PI4K2A: variants seen among roughly 807,000 people sequenced by gnomAD.
The protein encoded by PI4K2A is phosphatidylinositol 4-kinase type 2-alpha.
PI4K2A carries 20 observed loss-of-function variants against 55.0 expected under a neutral mutation model. That is an observed-to-expected ratio of 0.36 (90% CI 0.26 to 0.53). The LOEUF is 0.53. Ranked by LOEUF, PI4K2A falls within the 20% of genes least tolerant of loss-of-function variation. The pLI, the probability that PI4K2A is intolerant of heterozygous loss-of-function variation, is 0.91. For synonymous variants in PI4K2A, 235 were observed against 258.5 expected (o/e 0.91, Z 0.87); for missense variants, 463 against 637.1 (o/e 0.73, Z 2.94).
chr10:97,670,241 AC>A (rs2041628701), intron 8 of PI4K2A, among the ~76,000 whole-genome samples: 1 of 152,196 alleles, frequency 6.6e-6, no homozygotes, highest in African/African-American at 2.4e-5. Context: ...GTATTATGTG[AC>A]TGCTATAATT....
At chr10:97,675,521 G>A (rs1199799329) in exon 9 of PI4K2A, 1 of 152,534 alleles carries the variant, frequency 6.6e-6, no homozygotes, top group Admixed American at 6.6e-5. Context: ...GACTGTAGGA[G>A]CCAGAAGGGG....
At chr10:97,659,214 T>C (rs1434413263) in intron 4 of PI4K2A, among the ~76,000 whole-genome samples, 1 of 152,120 alleles carries the variant, frequency 6.6e-6, no homozygotes, top group Non-Finnish European at 1.5e-5. Context: ...TTAAATTCTT[T>C]GTAGAGATGA....
chr10:97,675,647 C>G (rs1331907387), exon 9 of PI4K2A: 1 of 150,338 alleles, frequency 6.7e-6, no homozygotes, highest in Non-Finnish European at 1.5e-5. Flanking sequence ...CCTCACCTGG[C>G]CACAGCCTCC....
chr10:97,641,347 G>C (rs2041467446), intron 1 of PI4K2A, among the ~76,000 whole-genome samples, 170 bp downstream of exon 1: 1 of 152,126 alleles, frequency 6.6e-6, no homozygotes, highest in Non-Finnish European at 1.5e-5. Flanking sequence ...CTGCGGAATG[G>C]AGAAATAAAT....
chr10:97,641,156 C>T (rs2041466337), exon 1 of PI4K2A: 1 of 1,606,514 alleles, frequency 6.2e-7, no homozygotes, highest in African/African-American at 1.3e-5. Context: ...GCGGAAGCTA[C>T]TTCGTCAAGG....
chr10:97,655,765 GGGTTTAACCATGTTGGCCA>G (rs1250734532), intron 2 of PI4K2A, among the ~76,000 whole-genome samples: 1 of 151,956 alleles, frequency 6.6e-6, no homozygotes, highest in Non-Finnish European at 1.5e-5. Flanking sequence ...AGTAGAGACG[GGGTTTAACCATGTTGGCCA>G]GGCTGGTCTC....
intron 8 of PI4K2A, among the ~76,000 whole-genome samples, chr10:97,670,848 G>A (rs978191588): frequency 1.3e-5 from 2 of 151,956 alleles, no homozygotes; most frequent in African/African-American, 4.8e-5. Context: ...GTGTTTTAAA[G>A]AAGATAGGGC....
chr10:97,662,481 A>G (rs549737216), intron 4 of PI4K2A, among the ~76,000 whole-genome samples: 1 of 152,304 alleles, frequency 6.6e-6, no homozygotes, highest in African/African-American at 2.4e-5. Flanking sequence ...GTGTATTTCC[A>G]AGGTGTAGTG....
intron 8 of PI4K2A, among the ~76,000 whole-genome samples, chr10:97,672,392 A>G (rs76613313): frequency 0.014 from 2,181 of 152,280 alleles, 37 homozygotes; most frequent in African/African-American, 0.048. Flanking sequence ...GCCAACTGCC[A>G]GACTTTTTTC....
chr10:97,647,061 G>A (rs1299528333), intron 1 of PI4K2A, among the ~76,000 whole-genome samples: 1 of 151,868 alleles, frequency 6.6e-6, no homozygotes, highest in Non-Finnish European at 1.5e-5. Context: ...GATTATAAGT[G>A]TGAGCCACTG....
intron 1 of PI4K2A, among the ~76,000 whole-genome samples, chr10:97,648,987 A>G (rs1172454050): frequency 1.3e-5 from 2 of 152,218 alleles, no homozygotes; most frequent in East Asian, 3.8e-4. Flanking sequence ...TGTCCTCTCA[A>G]ATCCTTGGAA....
chr10:97,645,300 T>C (rs10882974), intron 1 of PI4K2A, among the ~76,000 whole-genome samples: 48,803 of 151,862 alleles, frequency 0.32, 9,624 homozygotes, highest in African/African-American at 0.56. Context: ...GGGTACATGG[T>C]ATCGAATAAG....
Position 97,642,854 on chromosome 10 carries a change from T to TTCCTTC in PI4K2A, c.435+1677_435+1678insTCCTTC, listed in dbSNP as rs1564772283. On this transcript the variant is annotated intron_variant, in intron 1 of 8. Transcript: ENST00000370631. The stretch of plus-strand genomic sequence containing the variant: ...TCCTTCCTTCCTTCCTTCCTTCCTT[T>TTCCTTC]CTTTCTTTCTTTTTCTTTCTTTCTT... Among the ~76,000 whole-genome samples the TTCCTTC allele has an allele frequency of 6.3e-4, 9 of 14,230 alleles. No homozygotes were observed. The East Asian group carries it at 6.7e-3, about 11-fold the overall frequency. The allele number at this position is 14,230 out of a possible 152,430, so 9.3% of individuals were successfully genotyped here.
At chr10:97,661,960 T>C (rs2041586517) in intron 4 of PI4K2A, among the ~76,000 whole-genome samples, 2 of 151,588 alleles carry the variant, frequency 1.3e-5, no homozygotes, top group Non-Finnish European at 2.9e-5. Context: ...GCTCAAGCTG[T>C]CCTGCCTCAG....
Position 97,654,243 on chromosome 10 carries a change from G to A in PI4K2A, c.637-2042G>A, listed in dbSNP as rs534153610. On this transcript the variant is annotated intron_variant, in intron 2 of 8. Transcript: ENST00000370631. ...ATGATAGAAAATAAATATGATGGGG[G>A]CAAAAGGGGATTTATGGCTTGAGAG... Among the ~76,000 whole-genome samples the A allele has an allele frequency of 3.2e-3, 488 of 152,252 alleles. 1 individual carries two copies. Among genetic ancestry groups the A allele is most frequent in the Non-Finnish European group, 4.2e-3 (287 of 68,018 alleles).
intron 2 of PI4K2A, among the ~76,000 whole-genome samples, chr10:97,655,932 T>C (rs1028342086): frequency 3.9e-5 from 6 of 152,176 alleles, no homozygotes; most frequent in African/African-American, 1.4e-4. Flanking sequence ...CTCTCCTAGA[T>C]ACCACATCAC....
exon 9 of PI4K2A, chr10:97,673,768 T>C: frequency 6.2e-7 from 1 of 1,609,484 alleles, no homozygotes; most frequent in South Asian, 1.1e-5. Context: ...GAGGAAATAT[T>C]GTCAGAGACT....
intron 5 of PI4K2A, among the ~76,000 whole-genome samples, chr10:97,663,198 A>G (rs1178918275): frequency 6.6e-6 from 1 of 152,218 alleles, no homozygotes; most frequent in Non-Finnish European, 1.5e-5. Flanking sequence ...GTAAATTTGG[A>G]ACATATTATG....
chr10:97,647,220 AG>A (rs78380003), intron 1 of PI4K2A, among the ~76,000 whole-genome samples: 22,472 of 152,130 alleles, frequency 0.15, 4,004 homozygotes, highest in African/African-American at 0.42. Flanking sequence ...CTTTGTTAAA[AG>A]GGGAGATTAG....
Sources: allele counts gnomAD v4.1 joint callset (sites outside exome capture counted in the v4.1 genomes callset), GRCh38; gene constraint gnomAD v4.1.1; transcripts MANE v1.5; gene names NCBI Gene and HGNC (gene_info 2026-07-23, HGNC 2026-07-21).